Variants in VAV3 observed in about 807,000 individuals in gnomAD.
VAV3 encodes vav guanine nucleotide exchange factor 3.
VAV3 carries 94 observed loss-of-function variants against 131.2 expected under a neutral mutation model. That is an observed-to-expected ratio of 0.72 (90% CI 0.61 to 0.85). The LOEUF (loss-of-function observed/expected upper bound fraction) is 0.85, where lower values mean the gene tolerates loss of function less well. Ranked by LOEUF, VAV3 falls within the 40% of genes least tolerant of loss-of-function variation. The pLI is 0.00. For missense variants in VAV3, 939 were observed against 1,002.7 expected, an observed-to-expected ratio of 0.94 and a Z score of 0.86; for synonymous variants, 349 against 342.0, an observed-to-expected ratio of 1.02 and a Z score of -0.22.
intron 2 of VAV3, among the ~76,000 whole-genome samples, chr1:107,796,953 G>C (rs1012416457): frequency 2.8e-5 from 4 of 142,498 alleles, no homozygotes; most frequent in African/African-American, 1.0e-4. Flanking sequence ...AGTTTGTTTT[G>C]GTTCTAATGA....
chr1:107,734,364 A>G (rs886912112), intron 15 of VAV3, among the ~76,000 whole-genome samples: 7 of 152,206 alleles, frequency 4.6e-5, no homozygotes, highest in Non-Finnish European at 8.8e-5. Flanking sequence ...TAACAATATT[A>G]ACCTTAAATG....
At chr1:107,733,328 T>C (rs1341982669) in intron 15 of VAV3, among the ~76,000 whole-genome samples, 1 of 152,206 alleles carries the variant, frequency 6.6e-6, no homozygotes, top group Non-Finnish European at 1.5e-5. Flanking sequence ...AGAGGGCCTC[T>C]TCTCCTCCAA....
chr1:107,765,230 A>G, intron 8 of VAV3, 55 bp from the exon 9 acceptor site: 1 of 1,334,320 alleles, frequency 7.5e-7, no homozygotes, highest in Non-Finnish European at 1.1e-6. Flanking sequence ...AATGAACTGG[A>G]GGGGGAAACA....
chr1:107,854,171 A>G (rs1341573280), intron 2 of VAV3, among the ~76,000 whole-genome samples: 1 of 152,160 alleles, frequency 6.6e-6, no homozygotes, highest in Non-Finnish European at 1.5e-5. Context: ...TTAGCCAGGC[A>G]TGGTAGCGTG....
At chr1:107,728,230 G>C (rs960731900) in intron 15 of VAV3, among the ~76,000 whole-genome samples, 6 of 152,114 alleles carry the variant, frequency 3.9e-5, no homozygotes, top group African/African-American at 1.4e-4. Context: ...ATAGAGCAAA[G>C]AGTCAGACCC....
chr1:107,668,623 A>T, intron 19 of VAV3: 1 of 985,246 alleles, frequency 1.0e-6, no homozygotes, highest in African/African-American at 1.7e-5. Flanking sequence ...ATAAGAGATT[A>T]GCAAACCATC....
chr1:107,690,456 G>C (rs2101779830), intron 17 of VAV3, among the ~76,000 whole-genome samples: 1 of 152,274 alleles, frequency 6.6e-6, no homozygotes, highest in East Asian at 1.9e-4. Flanking sequence ...CAGGTGGCCA[G>C]CTCTTGGCAG....
intron 1 of VAV3, among the ~76,000 whole-genome samples, chr1:107,924,537 T>C (rs1298784138): frequency 6.6e-6 from 1 of 152,208 alleles, no homozygotes; most frequent in African/African-American, 2.4e-5. Context: ...TTTTGTCAAC[T>C]TCTCAGCATA....
Position 107,665,179 on chromosome 1 carries a change from CTA to C in VAV3, c.1777+18307_1777+18308del, listed in dbSNP as rs200866762. On this transcript the variant is annotated intron_variant, in intron 19 of 26. Coordinates refer to ENST00000370056, the MANE Select transcript of VAV3 (RefSeq NM_006113.5). Reference sequence around the variant, plus strand: ...GGAGGCAAGACGAACAATTGGGAGACTATTACAACAGCTGACAAATTGAATAA... The same window carrying C: ...GGAGGCAAGACGAACAATTGGGAGACTTACAACAGCTGACAAATTGAATAA... 4.1e-4 allele frequency among the ~76,000 whole-genome samples: 63 copies of C among 152,144 alleles called. 1 individual carries two copies. In the East Asian group the frequency reaches 0.01, roughly 25 times the overall value.
At chr1:107,653,048 C>T (rs1433764202) in intron 19 of VAV3, among the ~76,000 whole-genome samples, 2 of 151,684 alleles carry the variant, frequency 1.3e-5, no homozygotes, top group Admixed American at 6.6e-5. Flanking sequence ...TCTTGACCTC[C>T]CTCCTTCCTG....
intron 25 of VAV3, among the ~76,000 whole-genome samples, chr1:107,584,877 T>C (rs1650362068): frequency 6.6e-6 from 1 of 152,232 alleles, no homozygotes; most frequent in Non-Finnish European, 1.5e-5. Flanking sequence ...CTTATCAAGA[T>C]GTTAATTCTA....
chr1:107,631,333 C>A (rs920235883), intron 20 of VAV3, among the ~76,000 whole-genome samples: 14 of 151,924 alleles, frequency 9.2e-5, no homozygotes, highest in African/African-American at 3.4e-4. Context: ...TTAGCAGAGT[C>A]AGCTAACTGT....
intron 25 of VAV3, chr1:107,576,424 A>C (rs1049869049): frequency 5.9e-6 from 9 of 1,526,304 alleles, no homozygotes; most frequent in Middle Eastern, 3.3e-4. Context: ...AGGGGGAACA[A>C]AGCTGTAGTC....
intron 12 of VAV3, among the ~76,000 whole-genome samples, chr1:107,753,198 A>G (rs944620190): frequency 9.2e-5 from 14 of 152,116 alleles, no homozygotes; most frequent in African/African-American, 3.4e-4. Context: ...AAGTAAAAAA[A>G]GCCAGTCATG....
chr1:107,833,916 A>G (rs1668365753), intron 2 of VAV3, among the ~76,000 whole-genome samples: 1 of 152,232 alleles, frequency 6.6e-6, no homozygotes, highest in Admixed American at 6.5e-5. Context: ...GCTTACTCGC[A>G]TGCAATTTTG....
chr1:107,739,673 G>A (rs183389168), intron 15 of VAV3, among the ~76,000 whole-genome samples: 97 of 152,254 alleles, frequency 6.4e-4, no homozygotes, highest in African/African-American at 2.2e-3. Flanking sequence ...AATCCAAAAG[G>A]GCTGACAAAT....
chr1:107,863,662 A>T (rs1033181367), intron 2 of VAV3, among the ~76,000 whole-genome samples: 2 of 152,138 alleles, frequency 1.3e-5, no homozygotes, highest in African/African-American at 4.8e-5. Flanking sequence ...CTTTCCCTCT[A>T]CTTACGTATA....
intron 1 of VAV3, among the ~76,000 whole-genome samples, chr1:107,959,726 C>T (rs1674990864): frequency 6.6e-6 from 1 of 152,250 alleles, no homozygotes; most frequent in African/African-American, 2.4e-5. Flanking sequence ...TAAATACCAT[C>T]TTCACCTTGA....
In VAV3 at chr1:107,874,976, A is replaced by G. The variant is rs1443134349; in HGVS notation, c.246T>C (p.Cys82=). The change falls in exon 2 of 27, where the codon TGT becomes TGC. Residue 82 remains cysteine (C), a synonymous_variant. Coordinates refer to ENST00000370056, the MANE Select transcript of VAV3 (RefSeq NM_006113.5). ...LKNIRTFLTA[C]CETFGMRKSE... is the part of the protein sequence containing the mutation. ...TTTTCCTCATTCCAAACGTCTCACAACAGGCCGTGAGAAATGTCCTTATGT... is the reference window on the plus strand; with the variant it reads ...TTTTCCTCATTCCAAACGTCTCACAGCAGGCCGTGAGAAATGTCCTTATGT... 6.2e-6 allele frequency: 10 copies of G among 1,613,308 alleles called. No homozygotes were observed. The highest frequency in any genetic ancestry group is 8.5e-7 in the Non-Finnish European group (1 of 1,179,546).
Sources: gnomAD v4.1 joint callset for allele counts (sites outside exome capture counted in the v4.1 genomes callset) on GRCh38, gnomAD v4.1.1 for gene constraint, MANE v1.5 for transcripts, NCBI Gene and HGNC (gene_info 2026-07-23, HGNC 2026-07-21) for gene names.